Variants in ODAD2 observed in about 807,000 individuals in gnomAD.
The protein encoded by ODAD2 is outer dynein arm-docking complex subunit 2.
In ODAD2, 89 loss-of-function variants were observed where a neutral mutation model predicts 106.8. The ratio of observed to expected loss-of-function variants is 0.83; its 90% CI spans 0.70 to 0.99. The LOEUF (loss-of-function observed/expected upper bound fraction) is 0.99. ODAD2 is among the 50% of genes least tolerant of loss of function. The pLI, the probability that ODAD2 is intolerant of heterozygous loss-of-function variation, is 0.00. For missense variants in ODAD2, 1,168 were observed against 1,238.5 expected (o/e 0.94, Z 0.85); for synonymous variants, 404 against 436.2 (o/e 0.93, Z 0.92).
At chr10:27,848,611 A>T (rs1589816974) in intron 19 of ODAD2, among the ~76,000 whole-genome samples, 1 of 152,242 alleles carries the variant, frequency 6.6e-6, no homozygotes, top group Non-Finnish European at 1.5e-5. Context: ...CTACCATCAG[A>T]GCAAACAGGC....
At chr10:27,835,615 A>ACC (rs1319677918) in intron 19 of ODAD2, among the ~76,000 whole-genome samples, 2 of 152,178 alleles carry the variant, frequency 1.3e-5, no homozygotes. Context: ...ACAATAACAT[A>ACC]AACAGTCGAT....
chr10:27,972,077 T>C (rs974946789), intron 7 of ODAD2, among the ~76,000 whole-genome samples: 15 of 152,124 alleles, frequency 9.9e-5, no homozygotes, highest in African/African-American at 3.1e-4. Flanking sequence ...AAAGCAAAAA[T>C]AGTAACAACG....
At chr10:27,994,221 C>G (rs1372521513) in intron 2 of ODAD2, among the ~76,000 whole-genome samples, 6 of 151,774 alleles carry the variant, frequency 4.0e-5, no homozygotes, top group African/African-American at 1.5e-4. Context: ...TCTGAGGACA[C>G]CAGTAATTCT....
intron 2 of ODAD2, among the ~76,000 whole-genome samples, chr10:27,988,337 C>CTTTTTT (rs5784035): frequency 7.8e-6 from 1 of 128,790 alleles, no homozygotes; most frequent in Non-Finnish European, 1.6e-5. Context: ...CCTGATCTAG[C>CTTTTTT]TTTTTTTTTT....
intron 18 of ODAD2, 80 bp from the exon 19 acceptor site, chr10:27,860,926 T>A: frequency 8.0e-7 from 1 of 1,243,608 alleles, no homozygotes; most frequent in Non-Finnish European, 1.2e-6. Context: ...TTATGTTTAT[T>A]AACCATTAAG....
intron 17 of ODAD2, among the ~76,000 whole-genome samples, chr10:27,896,070 C>G (rs1589953197): frequency 6.6e-6 from 1 of 152,212 alleles, no homozygotes; most frequent in East Asian, 1.9e-4. Context: ...CAACATTTTG[C>G]TCACATATCC....
At chr10:27,924,442 TA>T (rs1428236097) in intron 16 of ODAD2, among the ~76,000 whole-genome samples, 1 of 150,222 alleles carries the variant, frequency 6.7e-6, no homozygotes, top group Non-Finnish European at 1.5e-5. Context: ...AAAATTAAAA[TA>T]ATTAGAAAAA....
At chr10:27,938,740 C>T (rs1263521537) in intron 14 of ODAD2, among the ~76,000 whole-genome samples, 3 of 151,962 alleles carry the variant, frequency 2.0e-5, no homozygotes, top group Non-Finnish European at 4.4e-5. Flanking sequence ...ACTGGGATTA[C>T]AGGCACATGC....
intron 7 of ODAD2, among the ~76,000 whole-genome samples, chr10:27,981,044 A>G (rs908605349): frequency 2.0e-5 from 3 of 152,204 alleles, no homozygotes; most frequent in African/African-American, 7.2e-5. Context: ...CCTTGAAAAC[A>G]CTATGCTAAG....
At chr10:27,821,521 C>G (rs1242198208) in intron 19 of ODAD2, among the ~76,000 whole-genome samples, 1 of 152,156 alleles carries the variant, frequency 6.6e-6, no homozygotes, top group Non-Finnish European at 1.5e-5. Flanking sequence ...TAAACTAAGG[C>G]ACTAGTTTCT....
intron 19 of ODAD2, among the ~76,000 whole-genome samples, chr10:27,841,657 A>C (rs1047389088): frequency 7.9e-5 from 12 of 152,016 alleles, no homozygotes; most frequent in Admixed American, 2.0e-4. Flanking sequence ...CGGCCTCCCA[A>C]ACTGCTGGGA....
At chr10:27,851,367 C>T (rs1458488217) in intron 19 of ODAD2, among the ~76,000 whole-genome samples, 2 of 151,862 alleles carry the variant, frequency 1.3e-5, no homozygotes, top group South Asian at 2.1e-4. Flanking sequence ...ATATCCTGTT[C>T]CCCCAAAAAA....
At chr10:27,834,013 A>T (rs558525265) in intron 19 of ODAD2, among the ~76,000 whole-genome samples, 33 of 152,202 alleles carry the variant, frequency 2.2e-4, no homozygotes, top group Non-Finnish European at 4.3e-4. Context: ...TGTGTGCAGC[A>T]CCAAGGTGCT....
chr10:27,878,864 A>C (rs1371831662), intron 17 of ODAD2, among the ~76,000 whole-genome samples: 1 of 152,188 alleles, frequency 6.6e-6, no homozygotes, highest in Non-Finnish European at 1.5e-5. Context: ...AACTTTAAAA[A>C]AAATTATTGC....
chr10:27,969,395 C>T (rs1361618531), intron 8 of ODAD2, among the ~76,000 whole-genome samples: 1 of 152,292 alleles, frequency 6.6e-6, no homozygotes, highest in African/African-American at 2.4e-5. Context: ...TCCAGGTATT[C>T]GCAGGCTTTG....
At chr10:27,981,367 G>A in intron 7 of ODAD2, 99 bp downstream of exon 7, 1 of 1,150,426 alleles carries the variant, frequency 8.7e-7, no homozygotes, top group Non-Finnish European at 1.2e-6. Context: ...AATAAAAAGT[G>A]CCCAAAAATA....
chr10:27,995,228 T>A, intron 1 of ODAD2, 48 bp from the exon 2 acceptor site: 1 of 1,522,866 alleles, frequency 6.6e-7, no homozygotes. Flanking sequence ...CACCTTTTCC[T>A]TGGAACATTT....
At chr10:27,863,138 A>G (rs1840177486) in intron 17 of ODAD2, among the ~76,000 whole-genome samples, 1 of 152,122 alleles carries the variant, frequency 6.6e-6, no homozygotes, top group South Asian at 2.1e-4. Flanking sequence ...TTGTTCATTC[A>G]TTCATATTGA....
chr10:27,874,079 C>T (rs565078548), intron 17 of ODAD2, among the ~76,000 whole-genome samples: 1 of 152,308 alleles, frequency 6.6e-6, no homozygotes, highest in South Asian at 2.1e-4. Flanking sequence ...GTTAGTTCTC[C>T]TTGTTGAATT....
Sources: gnomAD v4.1 joint callset for allele counts (sites outside exome capture counted in the v4.1 genomes callset) on GRCh38, gnomAD v4.1.1 for gene constraint, MANE v1.5 for transcripts, NCBI Gene and HGNC (gene_info 2026-07-23, HGNC 2026-07-21) for gene names.